The following CCAR1 variants were observed in gnomAD, a reference collection of about 807,000 sequenced individuals.
CCAR1 encodes cell division cycle and apoptosis regulator protein 1.
CCAR1 carries 78 observed loss-of-function variants against 163.8 expected under a neutral mutation model. The ratio of observed to expected loss-of-function variants is 0.48; its 90% CI spans 0.40 to 0.57. The LOEUF (loss-of-function observed/expected upper bound fraction) is 0.57, where lower values mean the gene tolerates loss of function less well. Ranked by LOEUF, CCAR1 falls within the 20% of genes least tolerant of loss-of-function variation. The pLI is 0.00. For synonymous variants in CCAR1, 443 were observed against 460.7 expected (o/e 0.96, Z 0.49); for missense variants, 1,019 against 1,365.2 (o/e 0.75, Z 4.00).
chr10:68,758,629 ATG>A (rs200938485), intron 15 of CCAR1, among the ~76,000 whole-genome samples: 7 of 112,752 alleles, frequency 6.2e-5, no homozygotes, highest in Non-Finnish European at 1.4e-4. Flanking sequence ...ATATATATAT[ATG>A]TATATATACA....
At chr10:68,764,381 C>CA (rs528625575) in intron 16 of CCAR1, among the ~76,000 whole-genome samples, 9,148 of 122,344 alleles carry the variant, frequency 0.075, 705 homozygotes, top group African/African-American at 0.21. Flanking sequence ...CCCATCTCTA[C>CA]AAAAAAAAAA....
At chr10:68,726,906 G>A (rs975228211) in intron 2 of CCAR1, among the ~76,000 whole-genome samples, 2 of 151,406 alleles carry the variant, frequency 1.3e-5, no homozygotes, top group Non-Finnish European at 2.9e-5. Flanking sequence ...TGAGGCAGGA[G>A]AATCACTTGA....
chr10:68,767,428 T>A (rs933739879), intron 17 of CCAR1, among the ~76,000 whole-genome samples: 5 of 151,570 alleles, frequency 3.3e-5, no homozygotes, highest in African/African-American at 1.2e-4. Flanking sequence ...CCACAATGCC[T>A]GGCTAATTTT....
intron 2 of CCAR1, among the ~76,000 whole-genome samples, chr10:68,728,282 C>G (rs1442431890): frequency 6.6e-6 from 1 of 151,778 alleles, no homozygotes; most frequent in South Asian, 2.1e-4. Flanking sequence ...TTTTTTTAAA[C>G]ATCCATTTCA....
Position 68,742,419 on chromosome 10 carries a change from A to T in CCAR1, c.368A>T (p.Gln123Leu). The T allele has an allele frequency of 6.2e-7, 1 of 1,614,162 alleles. No individual in the cohort carries two copies. Among genetic ancestry groups the T allele is most frequent in the Non-Finnish European group, 8.5e-7 (1 of 1,180,026 alleles). ...ACAAGCCTTAGCCTGTCTACTCCTC[A>T]GCCAACAGCACAAATAACTGTATCA... is the stretch of plus-strand genomic sequence containing the variant. The part of the protein sequence containing the change: ...LPTSLSLSTP[Q>L]PTAQITVSYP... The change falls in exon 6 of 25, where the codon CAG becomes CTG. Residue 123 changes from glutamine (Q) to leucine (L), a missense_variant. By Grantham distance (113) the Gln-to-Leu change is moderately radical. Around this residue, in one of 4 missense-constraint regions of CCAR1, gnomAD observed 644 missense variants for 904.4 expected, o/e 0.71. Coordinates refer to ENST00000265872, the MANE Select transcript of CCAR1 (RefSeq NM_018237.4).
chr10:68,734,169 C>G (rs1404502472), intron 2 of CCAR1, among the ~76,000 whole-genome samples: 1 of 151,848 alleles, frequency 6.6e-6, no homozygotes, highest in Non-Finnish European at 1.5e-5. Context: ...AGGGTACCTG[C>G]CTTTGGTCGG....
chr10:68,741,573 T>C (rs1295702610), intron 5 of CCAR1, among the ~76,000 whole-genome samples: 4 of 152,246 alleles, frequency 2.6e-5, no homozygotes, highest in African/African-American at 9.6e-5. Context: ...AGTGAAATAC[T>C]ATGCAGCTGT....
intron 15 of CCAR1, 66 bp downstream of exon 15, chr10:68,757,443 C>G: frequency 1.2e-6 from 1 of 867,108 alleles, no homozygotes; most frequent in South Asian, 1.4e-5. Flanking sequence ...GAGATGGAGT[C>G]TCGCTCTGTC....
At chr10:68,743,966 G>A (rs1485303747) in intron 6 of CCAR1, among the ~76,000 whole-genome samples, 1 of 152,080 alleles carries the variant, frequency 6.6e-6, no homozygotes. Flanking sequence ...GGCTAGGCTG[G>A]TTTTAAACTC....
At position 68,754,731 on chromosome 10, in the gene CCAR1, C is replaced by T. The variant is rs35889265; in HGVS notation, c.1362C>T (p.Ser454=). The T allele has an allele frequency of 6.6e-5, 105 of 1,600,986 alleles. 1 individual carries two copies. The highest frequency in any genetic ancestry group is 2.5e-4 in the Admixed American group (15 of 59,774). ...LYSAKVMLMA[S]PSMEDLYHKS... ...TATAATAGGTAATGCTGATGGCTAGCCCTAGTATGGAAGATTTATATCATA... is the reference window on the plus strand; with the variant it reads ...TATAATAGGTAATGCTGATGGCTAGTCCTAGTATGGAAGATTTATATCATA... The change falls in exon 12 of 25, where the codon AGC becomes AGT. Residue 454 remains serine (S), a synonymous_variant. Coordinates refer to ENST00000265872, the MANE Select transcript of CCAR1 (RefSeq NM_018237.4).
chr10:68,733,423 AAG>A (rs1326404697), intron 2 of CCAR1, among the ~76,000 whole-genome samples: 8 of 152,234 alleles, frequency 5.3e-5, no homozygotes, highest in Admixed American at 6.6e-5. Flanking sequence ...AAAAAGTAAA[AAG>A]AGAAAATGAA....
chr10:68,771,535 A>C, intron 18 of CCAR1, 90 bp downstream of exon 18: 3 of 1,168,756 alleles, frequency 2.6e-6, no homozygotes, highest in Non-Finnish European at 3.7e-6. Flanking sequence ...ATTAGATGTA[A>C]AAGCCAAACT....
intron 15 of CCAR1, among the ~76,000 whole-genome samples, chr10:68,758,903 C>T (rs1424803830): frequency 6.6e-6 from 1 of 151,776 alleles, no homozygotes; most frequent in Non-Finnish European, 1.5e-5. Flanking sequence ...AACTCCTGAC[C>T]TCAATTGATC....
chr10:68,752,421 A>G (rs1257503333), intron 10 of CCAR1, among the ~76,000 whole-genome samples: 2 of 152,070 alleles, frequency 1.3e-5, no homozygotes, highest in Non-Finnish European at 2.9e-5. Flanking sequence ...TATAAATTTT[A>G]CTCCTGTGGG....
rs1243777417 is a variant in CCAR1, at chr10:68,749,024, A to G, written c.827-112A>G. ...TATATAAATTAGGCCAACTTTGAAA[A>G]AACAATTTTAGTCACTCTCAGTTAT... is the stretch of plus-strand genomic sequence containing the variant. On this transcript the variant is annotated intron_variant, in intron 8 of 24. Transcript: ENST00000265872. 2.3e-6 allele frequency: 3 copies of G among 1,330,460 alleles called. No homozygotes were observed. The African/African-American group carries it at 4.4e-5, about 20-fold the overall frequency. 82.4% of individuals were successfully genotyped at this position (1,330,460 alleles called of 1,614,324 possible).
intron 17 of CCAR1, among the ~76,000 whole-genome samples, chr10:68,768,482 G>T (rs2056562086): frequency 6.6e-6 from 1 of 151,882 alleles, no homozygotes; most frequent in Non-Finnish European, 1.5e-5. Flanking sequence ...TAGGTGATAG[G>T]CGCCTGTAAT....
chr10:68,723,391 A>C (rs1334429118), intron 2 of CCAR1, among the ~76,000 whole-genome samples: 1 of 151,046 alleles, frequency 6.6e-6, no homozygotes, highest in Non-Finnish European at 1.5e-5. Flanking sequence ...GGCCTCCCGA[A>C]GTGCTGGGAT....
chr10:68,789,074 T>A (rs1255476224), intron 23 of CCAR1, among the ~76,000 whole-genome samples: 1 of 151,676 alleles, frequency 6.6e-6, no homozygotes, highest in South Asian at 2.1e-4. Context: ...CACGCCTGGC[T>A]AATTTTTTGT....
In CCAR1 at chr10:68,758,503, AGTGTGTGTGTGT is replaced by A. The variant is rs71028777; in HGVS notation, c.1920+1157_1920+1168del. 6.4e-3 allele frequency among the ~76,000 whole-genome samples: 797 copies of A among 124,592 alleles called. 10 individuals carry two copies. Among genetic ancestry groups the A allele is most frequent in the African/African-American group, 0.021 (705 of 33,542 alleles). The allele number at this position is 124,592 out of a possible 152,430, so 81.7% of individuals were successfully genotyped here. Reference sequence around the variant, plus strand: ...CCAGGAGTTTGAGACCATCCTGGGCAGTGTGTGTGTGTGTGTGTGTGTGTGTGTGTGTGTGTG... The same window carrying A: ...CCAGGAGTTTGAGACCATCCTGGGCAGTGTGTGTGTGTGTGTGTGTGTGTG... On this transcript the variant is annotated intron_variant, in intron 15 of 24. Coordinates refer to ENST00000265872, the MANE Select transcript of CCAR1 (RefSeq NM_018237.4).
Sources: gnomAD v4.1 joint callset for allele counts (sites outside exome capture counted in the v4.1 genomes callset) on GRCh38, gnomAD v4.1.1 for gene constraint, gnomAD v4.1.1 regional missense constraint, MANE v1.5 for transcripts, NCBI Gene and HGNC (gene_info 2026-07-23, HGNC 2026-07-21) for gene names.